Variants in ABCC1 observed in about 807,000 individuals in gnomAD.
ABCC1 encodes the protein ATP binding cassette subfamily C member 1 (ABCC1 blood group), also known as multidrug resistance-associated protein 1.
Under a neutral mutation model 172.9 loss-of-function variants are expected in ABCC1, and 83 were observed. The ratio of observed to expected loss-of-function variants is 0.48; its 90% CI spans 0.40 to 0.58. ABCC1 has a LOEUF of 0.58. Ranked by LOEUF, ABCC1 falls within the 20% of genes least tolerant of loss-of-function variation. The pLI is 0.00. For missense variants in ABCC1, 1,817 were observed against 2,002.7 expected (o/e 0.91, Z 1.77); for synonymous variants, 937 against 825.2 (o/e 1.14, Z -2.32).
chr16:16,110,846 G>A (rs987250159), intron 21 of ABCC1, among the ~76,000 whole-genome samples: 3 of 152,168 alleles, frequency 2.0e-5, no homozygotes, highest in African/African-American at 7.2e-5. Flanking sequence ...ATGATTTTAT[G>A]GGAGCCTATC....
rs2151734167 is a variant in ABCC1, at chr16:16,009,805, C to T, written c.255C>T (p.Cys85=). 1 of 1,609,310 alleles carries T rather than the reference C, an allele frequency of 6.2e-7. No homozygotes were observed. The highest frequency in any genetic ancestry group is 2.2e-5 in the East Asian group (1 of 44,484). The part of the protein sequence containing the change: ...TALGFLLWIV[C]WADLFYSFWE... ...TGGGATTTTTGCTGTGGATCGTCTG[C>T]TGGGCAGACCTCTTCTACTCTTTCT... is the stretch of plus-strand genomic sequence containing the variant. Residue 85 remains cysteine, a synonymous_variant, in exon 3 of 31, where the codon TGC becomes TGT. Coordinates refer to ENST00000399410, the MANE Select transcript of ABCC1 (RefSeq NM_004996.4).
chr16:16,008,871 G>A (rs1319911823), intron 2 of ABCC1, among the ~76,000 whole-genome samples: 2 of 145,610 alleles, frequency 1.4e-5, no homozygotes, highest in African/African-American at 5.1e-5. Context: ...AAAAAGTTGC[G>A]ATGATACCAG....
At chr16:15,968,613 G>A (rs1260041597) in intron 1 of ABCC1, among the ~76,000 whole-genome samples, 1 of 152,102 alleles carries the variant, frequency 6.6e-6, no homozygotes, top group Non-Finnish European at 1.5e-5. Context: ...ATGACCTCAA[G>A]TGATCCACCT....
intron 10 of ABCC1, 58 bp from the exon 11 acceptor site, chr16:16,052,666 T>C: frequency 6.4e-7 from 1 of 1,559,490 alleles, no homozygotes; most frequent in Non-Finnish European, 8.8e-7. Flanking sequence ...GGGAAGCTGT[T>C]ACGGGCCCTG....
rs575148908 is a variant in ABCC1 at position 16,005,612 on chromosome 16, C to T, written c.49-2204C>T. On this transcript the variant is annotated intron_variant, in intron 1 of 30. Coordinates refer to ENST00000399410, the MANE Select transcript of ABCC1 (RefSeq NM_004996.4). Reference sequence around the variant, plus strand: ...CCTCCTGCCTCGGCCTCCCAAAGTGCTGGGATGACAGGCGTGAGCCACTGC... The same window carrying T: ...CCTCCTGCCTCGGCCTCCCAAAGTGTTGGGATGACAGGCGTGAGCCACTGC... Among the ~76,000 whole-genome samples the T allele has an allele frequency of 4.6e-5, 7 of 152,290 alleles. No individual in the cohort carries two copies. The South Asian group carries it at 1.5e-3, about 32-fold the overall frequency.
chr16:16,110,906 G>T (rs2052357433), intron 21 of ABCC1, among the ~76,000 whole-genome samples: 1 of 151,706 alleles, frequency 6.6e-6, no homozygotes, highest in South Asian at 2.1e-4. Context: ...CCCTGAGTTT[G>T]TCTCTTTTTT....
At chr16:16,060,559 G>C (rs1013125382) in intron 12 of ABCC1, among the ~76,000 whole-genome samples, 1 of 151,998 alleles carries the variant, frequency 6.6e-6, no homozygotes, top group African/African-American at 2.4e-5. Context: ...GTCTCACTCT[G>C]TCACCCAGGC....
chr16:15,972,255 C>T (rs1374186681), intron 1 of ABCC1, among the ~76,000 whole-genome samples: 2 of 152,160 alleles, frequency 1.3e-5, no homozygotes, highest in Admixed American at 6.6e-5. Context: ...TCATTTGAGT[C>T]TAGTCTTCAG....
At chr16:16,057,766 A>G (rs1003625893) in intron 12 of ABCC1, among the ~76,000 whole-genome samples, 4 of 151,804 alleles carry the variant, frequency 2.6e-5, no homozygotes, top group Non-Finnish European at 5.9e-5. Flanking sequence ...GGTCTACTTC[A>G]TTTTAGTTTT....
intron 23 of ABCC1, among the ~76,000 whole-genome samples, chr16:16,120,019 G>A (rs1034362665): frequency 3.3e-5 from 5 of 152,070 alleles, no homozygotes; most frequent in African/African-American, 7.2e-5. Flanking sequence ...GGGGTTGTGC[G>A]GTACCTGGGT....
In ABCC1 at chr16:16,083,433, T is replaced by C; in HGVS notation, c.2183T>C (p.Phe728Ser). The C allele has an allele frequency of 6.2e-7, 1 of 1,613,926 alleles. No individual in the cohort carries two copies. The highest frequency in any genetic ancestry group is 1.1e-5 in the South Asian group (1 of 91,056). ...QNDSLRENIL[F>S]GCQLEEPYYR... The stretch of plus-strand genomic sequence containing the variant: ...GATTCTCTCCGAGAAAACATCCTTT[T>C]TGGATGTCAGCTGGAGGAACCATAT... The change falls in exon 17 of 31, where the codon TTT becomes TCT. Residue 728 changes from phenylalanine (F) to serine (S), a missense_variant. Coordinates refer to ENST00000399410, the MANE Select transcript of ABCC1 (RefSeq NM_004996.4).
intron 20 of ABCC1, among the ~76,000 whole-genome samples, chr16:16,103,807 G>A (rs1044932887): frequency 6.6e-6 from 1 of 152,116 alleles, no homozygotes; most frequent in Non-Finnish European, 1.5e-5. Flanking sequence ...GTTATCATCC[G>A]GACATGGTTA....
intron 1 of ABCC1, among the ~76,000 whole-genome samples, chr16:15,982,510 C>T (rs1361306611): frequency 1.3e-5 from 2 of 151,914 alleles, no homozygotes; most frequent in African/African-American, 2.4e-5. Context: ...GTCACAAGAA[C>T]AGCATGGAGG....
intron 1 of ABCC1, among the ~76,000 whole-genome samples, chr16:15,991,525 C>T (rs1471919051): frequency 6.6e-6 from 1 of 152,052 alleles, no homozygotes; most frequent in Non-Finnish European, 1.5e-5. Context: ...GGACAGAGCT[C>T]AGTGTCGCCA....
At chr16:16,013,994 C>A (rs8057590) in intron 3 of ABCC1, among the ~76,000 whole-genome samples, 35,262 of 151,936 alleles carry the variant, frequency 0.23, 5,195 homozygotes, top group African/African-American at 0.41. Context: ...GTACTGGGTT[C>A]TCTGCCTGTT....
Position 16,138,321 on chromosome 16 carries a change from G to T in ABCC1, c.4293-43G>T, listed in dbSNP as rs527684056. 66 of 1,541,874 alleles carry T rather than the reference G, an allele frequency of 4.3e-5. No homozygotes were observed. In the East Asian group the frequency reaches 1.5e-3, roughly 34 times the overall value. The stretch of plus-strand genomic sequence containing the variant: ...GGGCCTAGGTTCAGGGTCAGGGGTG[G>T]TTTGACCCAACACTATCTCCTGGTT... On this transcript the variant is annotated intron_variant, in intron 29 of 30. Transcript: ENST00000399410.
chr16:16,107,339 G>C (rs565698291), intron 21 of ABCC1, among the ~76,000 whole-genome samples: 2 of 152,116 alleles, frequency 1.3e-5, no homozygotes, highest in East Asian at 1.9e-4. Flanking sequence ...ACCAAGGCTG[G>C]AGTGCAGTGG....
At position 15,967,378 on chromosome 16, in the gene ABCC1, A is replaced by G. The variant is rs72775834; in HGVS notation, c.48+17579A>G. Reference sequence around the variant, plus strand: ...GGTGAGTCTCTTGGACAAGATGGGTATCAGGTTTCAGCTCTGAAATTGGAC... The same window carrying G: ...GGTGAGTCTCTTGGACAAGATGGGTGTCAGGTTTCAGCTCTGAAATTGGAC... On this transcript the variant is annotated intron_variant, in intron 1 of 30. Transcript: ENST00000399410. Among the ~76,000 whole-genome samples the G allele has an allele frequency of 8.0e-3, 1,211 of 152,150 alleles. 11 individuals carry two copies. The highest frequency in any genetic ancestry group is 0.011 in the Non-Finnish European group (746 of 68,006).
intron 5 of ABCC1, 139 bp from the exon 6 acceptor site, chr16:16,032,970 G>T: frequency 1.3e-6 from 1 of 743,034 alleles, no homozygotes; most frequent in South Asian, 1.7e-5. Context: ...TCCTTTTGGG[G>T]TGCAGAATGG....
Sources: gnomAD v4.1 joint callset for allele counts (sites outside exome capture counted in the v4.1 genomes callset) on GRCh38, gnomAD v4.1.1 for gene constraint, MANE v1.5 for transcripts, NCBI Gene and HGNC (gene_info 2026-07-23, HGNC 2026-07-21) for gene names.